Variants in TENM3 observed in about 807,000 individuals in gnomAD.
The protein encoded by TENM3 is teneurin transmembrane protein 3.
Under a neutral mutation model 255.1 loss-of-function variants are expected in TENM3, and 63 were observed. That is an observed-to-expected ratio of 0.25 (90% CI 0.20 to 0.30). TENM3 has a LOEUF of 0.30. Among genes scored for constraint, TENM3 ranks in the 10% least tolerant of loss-of-function variants. The probability of loss-of-function intolerance (pLI) is 1.00; values close to 1 mark genes in which losing one functional copy is unlikely to be tolerated. For synonymous variants in TENM3, 1,306 were observed against 1,322.3 expected (o/e 0.99, Z 0.27); for missense variants, 2,929 against 3,461.1 (o/e 0.85, Z 3.86).
At chr4:182,772,840 A>C (rs1266353904) in intron 22 of TENM3, among the ~76,000 whole-genome samples, 4 of 152,254 alleles carry the variant, frequency 2.6e-5, no homozygotes, top group Non-Finnish European at 5.9e-5. Context: ...ACCATGCAAG[A>C]TATTCCCCAT....
chr4:182,585,077 T>C (rs1015669683), intron 3 of TENM3, among the ~76,000 whole-genome samples: 6 of 152,226 alleles, frequency 3.9e-5, no homozygotes, highest in African/African-American at 1.4e-4. Context: ...AAAACATTTA[T>C]TACTTTGTTT....
In TENM3 at chr4:182,714,090, G is replaced by A; in HGVS notation, c.2225G>A (p.Gly742Asp). The stretch of plus-strand genomic sequence containing the variant: ...TTTTCCTTCTTTGTCTCGACAGAGG[G>A]TTGTCCTGGTCTGTGCAACAGCAAT... Reference protein sequence around the residue: ...GWNGEHCTIEGCPGLCNSNGR... With the variant: ...GWNGEHCTIEDCPGLCNSNGR... The change falls in exon 13 of 28, where the codon GGT becomes GAT. Residue 742 changes from glycine to aspartate, a missense_variant. By Grantham distance (94) the Gly-to-Asp change is moderately conservative (BLOSUM62 -1). Coordinates refer to ENST00000511685, the MANE Select transcript of TENM3 (RefSeq NM_001080477.4). 1 of 1,612,860 alleles carries A rather than the reference G, an allele frequency of 6.2e-7. No homozygotes were observed. The highest frequency in any genetic ancestry group is 8.5e-7 in the Non-Finnish European group (1 of 1,179,560).
intron 3 of TENM3, among the ~76,000 whole-genome samples, chr4:182,461,338 G>A (rs1445330484): frequency 6.6e-6 from 1 of 152,168 alleles, no homozygotes. Context: ...AGGCACATGA[G>A]CAAGTTTTAA....
intron 3 of TENM3, among the ~76,000 whole-genome samples, chr4:182,477,240 G>A (rs1298527830): frequency 2.0e-5 from 3 of 152,140 alleles, no homozygotes; most frequent in African/African-American, 7.2e-5. Flanking sequence ...TGACTAGAGA[G>A]TTGTATAGGG....
At chr4:182,410,870 G>A (rs572037389) in intron 3 of TENM3, among the ~76,000 whole-genome samples, 1 of 152,240 alleles carries the variant, frequency 6.6e-6, no homozygotes, top group South Asian at 2.1e-4. Flanking sequence ...CACTCTATTG[G>A]AACTAAAATA....
chr4:181,977,737 G>A, the TENM3 span, among the ~76,000 whole-genome samples: 1 of 152,154 alleles, frequency 6.6e-6, no homozygotes, highest in South Asian at 2.1e-4. Flanking sequence ...GAACTAAGAA[G>A]ATAAAGGACT....
At chr4:181,512,996 G>T in the TENM3 span, among the ~76,000 whole-genome samples, 1 of 152,130 alleles carries the variant, frequency 6.6e-6, no homozygotes, top group Non-Finnish European at 1.5e-5. Flanking sequence ...AAACAAATGG[G>T]CAAGGGTATT....
Position 182,483,270 on chromosome 4 carries a change from G to A in TENM3, c.512-117654G>A, listed in dbSNP as rs145555176. ...CTGTAGCAGAAATAGTAGATGGTTG[G>A]AATAAATAGTAGACGTGCACTGGTG... On this transcript the variant is annotated intron_variant, in intron 3 of 27. Transcript: ENST00000511685. Among the ~76,000 whole-genome samples, 234 of 152,266 alleles carry A rather than the reference G, an allele frequency of 1.5e-3. 2 individuals are homozygous for A. The highest frequency in any genetic ancestry group is 5.5e-3 in the African/African-American group (227 of 41,546).
At chr4:181,466,513 A>G in the TENM3 span, among the ~76,000 whole-genome samples, 1 of 152,182 alleles carries the variant, frequency 6.6e-6, no homozygotes, top group South Asian at 2.1e-4. Context: ...AATTGGTTGT[A>G]TGTATGTAAT....
intron 6 of TENM3, among the ~76,000 whole-genome samples, chr4:182,663,890 C>T (rs1174695885): frequency 6.6e-6 from 1 of 150,598 alleles, no homozygotes; most frequent in African/African-American, 2.5e-5. Context: ...CAATCCTTTT[C>T]CCGGTTTCTG....
At chr4:182,236,800 T>A (rs1212604828) in intron 1 of TENM3, among the ~76,000 whole-genome samples, 1 of 152,232 alleles carries the variant, frequency 6.6e-6, no homozygotes, top group Admixed American at 6.5e-5. Flanking sequence ...CCACTGAGAT[T>A]TGCTGTGTAT....
the TENM3 span, among the ~76,000 whole-genome samples, chr4:181,952,647 A>G: frequency 0.97 from 147,205 of 152,328 alleles, 71,322 homozygotes; most frequent in East Asian, 1. Flanking sequence ...AGTCTGACTT[A>G]TTTCCTTTTT....
the TENM3 span, among the ~76,000 whole-genome samples, chr4:181,918,342 T>G: frequency 6.6e-6 from 1 of 152,216 alleles, no homozygotes; most frequent in East Asian, 1.9e-4. Flanking sequence ...AGACACTGTT[T>G]ACTTAGAAAC....
chr4:181,650,655 C>T, the TENM3 span, among the ~76,000 whole-genome samples: 1 of 152,134 alleles, frequency 6.6e-6, no homozygotes. Flanking sequence ...CTCAAAGAAG[C>T]TTGCAAACCC....
Position 182,789,060 on chromosome 4 carries a change from ATTTAT to A in TENM3, c.5305-27_5305-23del. On this transcript the variant is annotated intron_variant, in intron 24 of 27. Transcript: ENST00000511685. The surrounding 1 kb of genome is among the most constrained non-coding windows in gnomAD (Gnocchi z 4.4). ...GGGACTCCGGTGTTGGAATAACATG[ATTTAT>A]TTTATCATCTTGTTGGTGTTGTAAC... The A allele has an allele frequency of 6.4e-7, 1 of 1,561,438 alleles. No individual in the cohort carries two copies. The highest frequency in any genetic ancestry group is 8.7e-7 in the Non-Finnish European group (1 of 1,148,140).
At chr4:182,161,614 T>TCC (rs1491352106) in intron 1 of TENM3, among the ~76,000 whole-genome samples, 1 of 108,920 alleles carries the variant, frequency 9.2e-6, no homozygotes, top group Non-Finnish European at 1.8e-5. Flanking sequence ...TATATATATG[T>TCC]ATATATATAT....
At chr4:181,984,369 T>A in the TENM3 span, among the ~76,000 whole-genome samples, 1 of 152,146 alleles carries the variant, frequency 6.6e-6, no homozygotes, top group Non-Finnish European at 1.5e-5. Context: ...AATGTATGCC[T>A]ATGACAGCGC....
chr4:181,862,520 GA>G, the TENM3 span, among the ~76,000 whole-genome samples: 4 of 151,538 alleles, frequency 2.6e-5, no homozygotes, highest in African/African-American at 9.7e-5. Flanking sequence ...CCTCCCTGCA[GA>G]AAAAAAATAT....
At chr4:182,576,270 G>A (rs1017847792) in intron 3 of TENM3, among the ~76,000 whole-genome samples, 7 of 152,210 alleles carry the variant, frequency 4.6e-5, no homozygotes, top group East Asian at 3.9e-4. Context: ...TTATATGTGG[G>A]ATAAAAACGA....
Sources: gnomAD v4.1 joint callset for allele counts (sites outside exome capture counted in the v4.1 genomes callset) on GRCh38, gnomAD v4.1.1 for gene constraint, Gnocchi (gnomAD v3.1) non-coding constraint, MANE v1.5 for transcripts, NCBI Gene and HGNC (gene_info 2026-07-23, HGNC 2026-07-21) for gene names.